The following GTPBP10 variants were observed in gnomAD, a reference collection of about 807,000 sequenced individuals.
GTPBP10 encodes GTP-binding protein 10.
GTPBP10 carries 38 observed loss-of-function variants against 44.8 expected under a neutral mutation model. The ratio of observed to expected loss-of-function variants is 0.85; its 90% confidence interval spans 0.65 to 1.11. The LOEUF (loss-of-function observed/expected upper bound fraction) is 1.11. Among genes scored for constraint, GTPBP10 ranks in the 50% most tolerant of loss-of-function variants. The pLI, the probability that GTPBP10 is intolerant of heterozygous loss-of-function variation, is 0.00. For missense variants in GTPBP10, 462 were observed against 453.7 expected (o/e 1.02, Z -0.17); for synonymous variants, 152 against 150.6 (o/e 1.01, Z -0.07).
At position 90,373,940 on chromosome 7, in the gene GTPBP10, A is replaced by G. The variant is rs1017095359; in HGVS notation, c.539-362A>G. ...ACTGTAACTTTGAACTCCTGGGCTCAAGCAATCCTCCCACCTCAGCCTCTG... is the reference window on the plus strand; with the variant it reads ...ACTGTAACTTTGAACTCCTGGGCTCGAGCAATCCTCCCACCTCAGCCTCTG... On this transcript the variant is annotated intron_variant, in intron 5 of 9. Coordinates refer to ENST00000222511, the MANE Select transcript of GTPBP10 (RefSeq NM_033107.4). 2.0e-5 allele frequency among the ~76,000 whole-genome samples: 3 copies of G among 152,186 alleles called. No individual in the cohort carries two copies. The East Asian group carries it at 5.8e-4, about 29-fold the overall frequency.
intron 4 of GTPBP10, among the ~76,000 whole-genome samples, chr7:90,369,598 G>C (rs942731935): frequency 6.6e-6 from 1 of 152,196 alleles, no homozygotes; most frequent in Non-Finnish European, 1.5e-5. Context: ...AGTGAGCAAG[G>C]CTCCGTTGGC....
chr7:90,352,716 G>T (rs757025985), intron 1 of GTPBP10, 100 bp from the exon 2 acceptor site: 16 of 871,742 alleles, frequency 1.8e-5, no homozygotes, highest in Non-Finnish European at 2.7e-5. Flanking sequence ...AGCTATTAAC[G>T]ACTTTTTTAG....
chr7:90,383,083 A>AAC lies in GTPBP10; in HGVS notation c.901+5_901+6dup. On this transcript the variant is annotated splice_donor_region_variant and intron_variant, in intron 9 of 9. Coordinates refer to ENST00000222511, the MANE Select transcript of GTPBP10 (RefSeq NM_033107.4). ...AGCCAGCTCCAGAATCCTAAAGGTA[A>AAC]ACCTATTTATTCATTTAATTCTAAT... is the stretch of plus-strand genomic sequence containing the variant. The AAC allele has an allele frequency of 6.5e-7, 1 of 1,547,030 alleles. No individual in the cohort carries two copies. The highest frequency in any genetic ancestry group is 1.4e-5 in the African/African-American group (1 of 73,462).
At chr7:90,375,191 A>G (rs1796322114) in intron 6 of GTPBP10, among the ~76,000 whole-genome samples, 1 of 152,022 alleles carries the variant, frequency 6.6e-6, no homozygotes, top group Non-Finnish European at 1.5e-5. Context: ...AAAGCTGTGG[A>G]GACAGTAAAA....
intron 8 of GTPBP10, among the ~76,000 whole-genome samples, chr7:90,382,455 G>A (rs371908344): frequency 6.6e-6 from 1 of 152,032 alleles, no homozygotes; most frequent in African/African-American, 2.4e-5. Context: ...ACAGGGCTTC[G>A]CTCTGTCATG....
chr7:90,377,793 G>A (rs916691016), intron 7 of GTPBP10, 179 bp downstream of exon 7: 11 of 215,572 alleles, frequency 5.1e-5, no homozygotes, highest in Middle Eastern at 2.4e-3. Context: ...GGCCATACTT[G>A]CCAACATGTA....
rs1222910653 is a variant in GTPBP10, at chr7:90,361,992, T to C, written c.464+6762T>C. 2.0e-5 allele frequency among the ~76,000 whole-genome samples: 3 copies of C among 152,228 alleles called. No homozygotes were observed. The East Asian group carries it at 5.8e-4, about 29-fold the overall frequency. Reference sequence around the variant, plus strand: ...AGTGGTGATATCCCCTTTATAACTTTTTATTGCGTCTATTTGATTCTTCTC... The same window carrying C: ...AGTGGTGATATCCCCTTTATAACTTCTTATTGCGTCTATTTGATTCTTCTC... On this transcript the variant is annotated intron_variant, in intron 4 of 9. Coordinates refer to ENST00000222511, the MANE Select transcript of GTPBP10 (RefSeq NM_033107.4).
chr7:90,356,097 C>G (rs1393068416), intron 4 of GTPBP10, among the ~76,000 whole-genome samples: 1 of 151,928 alleles, frequency 6.6e-6, no homozygotes, highest in African/African-American at 2.4e-5. Context: ...TTTTGCTTCC[C>G]CATAGCTTCT....
In GTPBP10 at chr7:90,385,133, T is replaced by G. The variant is rs775174019; in HGVS notation, c.1143T>G (p.Thr381=). 6.2e-7 allele frequency: 1 copy of G among 1,604,432 alleles called. No individual in the cohort carries two copies. Among genetic ancestry groups the G allele is most frequent in the Admixed American group, 1.7e-5 (1 of 59,000 alleles). The change falls in exon 10 of 10, where the codon ACT becomes ACG. Residue 381 remains threonine (T), a synonymous_variant. Coordinates refer to ENST00000222511, the MANE Select transcript of GTPBP10 (RefSeq NM_033107.4). The stretch of plus-strand genomic sequence containing the variant: ...CACCATCAAAGCATGCTGTTACTAC[T>G]TCCAAAATGGATATAATTTAAATAT... ...TEPPSKHAVT[T]SKMDII
At chr7:90,368,231 A>G (rs997769589) in intron 4 of GTPBP10, among the ~76,000 whole-genome samples, 1 of 151,888 alleles carries the variant, frequency 6.6e-6, no homozygotes, top group Admixed American at 6.6e-5. Flanking sequence ...CTTCATTTCA[A>G]CTTTGGTGAA....
intron 4 of GTPBP10, among the ~76,000 whole-genome samples, chr7:90,369,314 C>T (rs368537600): frequency 4.6e-5 from 7 of 152,282 alleles, no homozygotes; most frequent in South Asian, 2.1e-4. Flanking sequence ...GCTGGGAGAA[C>T]GACTCTCTCT....
At chr7:90,350,330 CT>C (rs1435032543) in intron 1 of GTPBP10, among the ~76,000 whole-genome samples, 3 of 152,146 alleles carry the variant, frequency 2.0e-5, no homozygotes, top group Non-Finnish European at 4.4e-5. Context: ...GGTTCCAAGT[CT>C]TTGCTGTTGT....
intron 1 of GTPBP10, among the ~76,000 whole-genome samples, chr7:90,348,476 G>T (rs116382621): frequency 0.017 from 2,613 of 152,180 alleles, 73 homozygotes; most frequent in African/African-American, 0.058. Flanking sequence ...AAAAGAAACA[G>T]TTACTAAGAA....
chr7:90,368,295 T>G (rs970572807), intron 4 of GTPBP10, among the ~76,000 whole-genome samples: 3 of 152,228 alleles, frequency 2.0e-5, no homozygotes, highest in Non-Finnish European at 2.9e-5. Context: ...CTTTGTGGTG[T>G]TCTCCGTATT....
At chr7:90,384,368 TG>T (rs1172644336) in intron 9 of GTPBP10, among the ~76,000 whole-genome samples, 3 of 152,180 alleles carry the variant, frequency 2.0e-5, no homozygotes, top group Non-Finnish European at 4.4e-5. Context: ...TTAGCCCTTG[TG>T]GGGTGATAGA....
intron 2 of GTPBP10, 52 bp downstream of exon 2, chr7:90,353,061 ATTT>A (rs749644137): frequency 8.4e-7 from 1 of 1,187,120 alleles, no homozygotes; most frequent in Admixed American, 2.8e-5. Flanking sequence ...CCTTCTGGAA[ATTT>A]TTTTTTTAGT....
At position 90,372,231 on chromosome 7, in the gene GTPBP10, A is replaced by G. The variant is rs373294695; in HGVS notation, c.538+3A>G. On this transcript the variant is annotated splice_donor_region_variant and intron_variant, in intron 5 of 9. Transcript: ENST00000222511. ...ACCTGCAATTGCAGATTACGCATGTAAGTGTAATTTGATTGTACATTTTAA... is the reference window on the plus strand; with the variant it reads ...ACCTGCAATTGCAGATTACGCATGTGAGTGTAATTTGATTGTACATTTTAA... 15 of 1,576,296 alleles carry G rather than the reference A, an allele frequency of 9.5e-6. No homozygotes were observed. The highest frequency in any genetic ancestry group is 1.2e-5 in the Non-Finnish European group (14 of 1,150,760).
In GTPBP10 at chr7:90,360,798, G is replaced by A. The variant is rs575098891; in HGVS notation, c.464+5568G>A. Among the ~76,000 whole-genome samples, 5 of 152,178 alleles carry A rather than the reference G, an allele frequency of 3.3e-5. No individual in the cohort carries two copies. In the East Asian group the frequency reaches 9.7e-4, roughly 29 times the overall value. ...ATGGAATGTTCTTCCATTTGTTTGT[G>A]TCCTCTTTTATTTCGTTGAGCAGTG... On this transcript the variant is annotated intron_variant, in intron 4 of 9. Coordinates refer to ENST00000222511, the MANE Select transcript of GTPBP10 (RefSeq NM_033107.4).
intron 5 of GTPBP10, among the ~76,000 whole-genome samples, chr7:90,373,833 C>T (rs565318322): frequency 6.6e-6 from 1 of 152,054 alleles, no homozygotes; most frequent in African/African-American, 2.4e-5. Flanking sequence ...TGTCTTTTTC[C>T]AAATACTATT....
Sources: allele counts gnomAD v4.1 joint callset (sites outside exome capture counted in the v4.1 genomes callset), GRCh38; gene constraint gnomAD v4.1.1; transcripts MANE v1.5; gene names NCBI Gene and HGNC (gene_info 2026-07-23, HGNC 2026-07-21).